Variants in MB21D2 observed in about 807,000 individuals in gnomAD.
The protein encoded by MB21D2 is nucleotidyltransferase MB21D2.
A neutral mutation model predicts 33.3 loss-of-function variants in MB21D2; 9 were observed. The ratio of observed to expected loss-of-function variants is 0.27; its 90% CI spans 0.16 to 0.47. The LOEUF (loss-of-function observed/expected upper bound fraction) is 0.47. Ranked by LOEUF, MB21D2 falls within the 20% of genes least tolerant of loss-of-function variation. The pLI, the probability that MB21D2 is intolerant of heterozygous loss-of-function variation, is 0.99. For missense variants in MB21D2, 540 were observed against 624.6 expected (o/e 0.86, Z 1.44); for synonymous variants, 241 against 236.3 (o/e 1.02, Z -0.18).
intron 1 of MB21D2, among the ~76,000 whole-genome samples, chr3:192,852,512 G>C (rs1047055666): frequency 6.6e-6 from 1 of 152,042 alleles, no homozygotes. Context: ...CATTTTAAAC[G>C]GGGGAAAAAC....
chr3:192,870,309 A>G (rs2108637335), intron 1 of MB21D2, among the ~76,000 whole-genome samples: 1 of 152,320 alleles, frequency 6.6e-6, no homozygotes, highest in Admixed American at 6.5e-5. Flanking sequence ...ATAAGCCAGA[A>G]ACATTTAAAG....
intron 1 of MB21D2, among the ~76,000 whole-genome samples, chr3:192,898,854 G>A (rs529923990): frequency 6.6e-6 from 1 of 152,346 alleles, no homozygotes; most frequent in African/African-American, 2.4e-5. Flanking sequence ...GTGGAGATTT[G>A]ACAGAGCTGA....
At chr3:192,845,619 TG>T (rs1712665896) in intron 1 of MB21D2, among the ~76,000 whole-genome samples, 1 of 152,246 alleles carries the variant, frequency 6.6e-6, no homozygotes, top group South Asian at 2.1e-4. Context: ...TGATAATCTC[TG>T]CCTTCACCAC....
chr3:192,901,992 A>T lies in MB21D2; in HGVS notation c.211+15638T>A, dbSNP rs77314910. On this transcript the variant is annotated intron_variant, in intron 1 of 1. Coordinates refer to ENST00000392452, the MANE Select transcript of MB21D2 (RefSeq NM_178496.4). ...CCAATTGGCCTTTATACCTCTTTAA[A>T]TCAATCAATTAGCTGGGACGCACCT... 7.5e-3 allele frequency among the ~76,000 whole-genome samples: 1,149 copies of T among 152,302 alleles called. 21 individuals are homozygous for T. The highest frequency in any genetic ancestry group is 0.045 in the East Asian group (233 of 5,186).
intron 1 of MB21D2, among the ~76,000 whole-genome samples, chr3:192,869,879 A>C (rs1713253050): frequency 6.6e-6 from 1 of 152,202 alleles, no homozygotes; most frequent in Admixed American, 6.5e-5. Context: ...TAGGAAAGGT[A>C]CTCAAACAGC....
intron 1 of MB21D2, among the ~76,000 whole-genome samples, chr3:192,887,700 T>G (rs1713763163): frequency 3.9e-5 from 6 of 152,092 alleles, no homozygotes; most frequent in Admixed American, 3.9e-4. Flanking sequence ...CAAAAAATAT[T>G]TTTTCCCTTT....
At chr3:192,857,788 T>C (rs528834489) in intron 1 of MB21D2, among the ~76,000 whole-genome samples, 1 of 152,242 alleles carries the variant, frequency 6.6e-6, no homozygotes, top group African/African-American at 2.4e-5. Flanking sequence ...GCACGAGGAA[T>C]TCAGTTCATA....
chr3:192,912,343 G>A (rs556866011), intron 1 of MB21D2, among the ~76,000 whole-genome samples: 1 of 152,186 alleles, frequency 6.6e-6, no homozygotes, highest in African/African-American at 2.4e-5. Flanking sequence ...AACAGAGGGA[G>A]AGAAAGAGGG....
intron 1 of MB21D2, among the ~76,000 whole-genome samples, chr3:192,832,843 T>C (rs1712350817): frequency 6.6e-6 from 1 of 152,198 alleles, no homozygotes; most frequent in South Asian, 2.1e-4. Flanking sequence ...CAGACCTGTC[T>C]CTTTTAAATC....
At chr3:192,909,164 G>A (rs940563534) in intron 1 of MB21D2, among the ~76,000 whole-genome samples, 3 of 151,838 alleles carry the variant, frequency 2.0e-5, no homozygotes, top group Admixed American at 2.0e-4. Context: ...GCTGAGGCAG[G>A]AGAATGGTGT....
At chr3:192,874,010 A>G (rs1402482586) in intron 1 of MB21D2, among the ~76,000 whole-genome samples, 1 of 152,216 alleles carries the variant, frequency 6.6e-6, no homozygotes, top group Non-Finnish European at 1.5e-5. Flanking sequence ...CATTGAGCAC[A>G]GTGTTTTCCT....
At chr3:192,877,000 G>A (rs1195741742) in intron 1 of MB21D2, among the ~76,000 whole-genome samples, 6 of 152,148 alleles carry the variant, frequency 3.9e-5, no homozygotes, top group Non-Finnish European at 8.8e-5. Flanking sequence ...CTAGAACAGC[G>A]CCTGAGTCCA....
intron 1 of MB21D2, among the ~76,000 whole-genome samples, chr3:192,859,484 C>G (rs558605593): frequency 9.3e-4 from 142 of 152,236 alleles, no homozygotes; most frequent in African/African-American, 3.4e-3. Flanking sequence ...AGACCTCCCT[C>G]TTGGAACATC....
chr3:192,854,181 G>A (rs952519397), intron 1 of MB21D2, among the ~76,000 whole-genome samples: 2 of 152,218 alleles, frequency 1.3e-5, no homozygotes, highest in Admixed American at 6.5e-5. Flanking sequence ...TGAAAGGCAG[G>A]CCCCTTGTGC....
At chr3:192,896,012 G>A (rs4462895) in intron 1 of MB21D2, among the ~76,000 whole-genome samples, 77,698 of 151,866 alleles carry the variant, frequency 0.51, 19,977 homozygotes, top group South Asian at 0.53. Context: ...TTAAGGAGAC[G>A]GAAAAAAAGG....
At chr3:192,854,885 G>T (rs1370351107) in intron 1 of MB21D2, among the ~76,000 whole-genome samples, 1 of 152,186 alleles carries the variant, frequency 6.6e-6, no homozygotes, top group African/African-American at 2.4e-5. Flanking sequence ...TAAGCCCACA[G>T]TTGAGACCCA....
chr3:192,857,265 GAT>G lies in MB21D2; in HGVS notation c.212-57617_212-57616del, dbSNP rs1712937544. 5.3e-5 allele frequency among the ~76,000 whole-genome samples: 8 copies of G among 152,342 alleles called. No homozygotes were observed. In the South Asian group the frequency reaches 1.7e-3, roughly 32 times the overall value. On this transcript the variant is annotated intron_variant, in intron 1 of 1. Coordinates refer to ENST00000392452, the MANE Select transcript of MB21D2 (RefSeq NM_178496.4). ...AGTCTCGGCAATTTGTGGGAGAAGAGATATTCTGAAATGGCATAATGTAAGAA... is the reference window on the plus strand; with the variant it reads ...AGTCTCGGCAATTTGTGGGAGAAGAGATTCTGAAATGGCATAATGTAAGAA...
At chr3:192,850,918 T>C (rs1433358093) in intron 1 of MB21D2, among the ~76,000 whole-genome samples, 2 of 152,232 alleles carry the variant, frequency 1.3e-5, no homozygotes, top group African/African-American at 4.8e-5. Flanking sequence ...TGACTCACAG[T>C]GTGTGGCGGG....
At chr3:192,829,472 T>C (rs1299063089) in intron 1 of MB21D2, among the ~76,000 whole-genome samples, 3 of 152,230 alleles carry the variant, frequency 2.0e-5, no homozygotes, top group Non-Finnish European at 2.9e-5. Flanking sequence ...AAAATGCTTG[T>C]ACCATTCTGC....
Sources: allele counts gnomAD v4.1 joint callset (sites outside exome capture counted in the v4.1 genomes callset), GRCh38; gene constraint gnomAD v4.1.1; transcripts MANE v1.5; gene names NCBI Gene and HGNC (gene_info 2026-07-23, HGNC 2026-07-21).